FGFR1OP2: variants seen among roughly 807,000 people sequenced by gnomAD.
FGFR1OP2 encodes the protein fibroblast growth factor receptor 1 oncogene partner 2.
A neutral mutation model predicts 35.2 loss-of-function variants in FGFR1OP2; 17 were observed. That is an observed-to-expected ratio of 0.48 (90% CI 0.33 to 0.73). The LOEUF is 0.73. Ranked by LOEUF, FGFR1OP2 falls within the 30% of genes least tolerant of loss-of-function variation. The probability of loss-of-function intolerance (pLI) is 0.02; values close to 1 mark genes in which losing one functional copy is unlikely to be tolerated. For synonymous variants in FGFR1OP2, 105 were observed against 104.6 expected (o/e 1.00, Z -0.03); for missense variants, 251 against 307.3 (o/e 0.82, Z 1.37).
chr12:26,965,222 A>C lies in FGFR1OP2; in HGVS notation c.*489A>C, dbSNP rs1275372405. 6.5e-6 allele frequency: 1 copy of C among 153,552 alleles called. No homozygotes were observed. Among genetic ancestry groups the C allele is most frequent in the Non-Finnish European group, 1.5e-5 (1 of 68,620 alleles). The allele number at this position is 153,552 out of a possible 1,614,324, so 9.5% of individuals were successfully genotyped here. ...GATTGCCTACTTTCACATTTATTTAAATTTTTGTGAAAGAAAATACAGTTT... is the reference window on the plus strand; with the variant it reads ...GATTGCCTACTTTCACATTTATTTACATTTTTGTGAAAGAAAATACAGTTT... On this transcript the variant is annotated 3_prime_UTR_variant, in exon 7 of 7. Coordinates refer to ENST00000229395, the MANE Select transcript of FGFR1OP2 (RefSeq NM_015633.3).
In FGFR1OP2 at chr12:26,952,675, C is replaced by CTTTT. The variant is rs763886345; in HGVS notation, c.-14-1458_-14-1455dup. On this transcript the variant is annotated intron_variant, in intron 1 of 6. Transcript: ENST00000229395. Reference sequence around the variant, plus strand: ...TAAATTTTCTCTTTGCTACTTGTTGCTTTTTTTTTTTTTTTGTATTGGAGG... The same window carrying CTTTT: ...TAAATTTTCTCTTTGCTACTTGTTGCTTTTTTTTTTTTTTTTTTTGTATTGGAGG... Among the ~76,000 whole-genome samples, 23 of 132,532 alleles carry CTTTT rather than the reference C, an allele frequency of 1.7e-4. 1 individual carries two copies. Among genetic ancestry groups the CTTTT allele is most frequent in the African/African-American group, 5.6e-4 (20 of 35,884 alleles). 86.9% of individuals were successfully genotyped at this position (132,532 alleles called of 152,430 possible).
At chr12:26,941,498 G>A (rs1938734262) in intron 1 of FGFR1OP2, among the ~76,000 whole-genome samples, 1 of 152,234 alleles carries the variant, frequency 6.6e-6, no homozygotes, top group South Asian at 2.1e-4. Context: ...TGAGCTACCT[G>A]CTGCTTATAA....
At chr12:26,962,253 C>T (rs1939114993) in intron 5 of FGFR1OP2, 1 of 152,174 alleles carries the variant, frequency 6.6e-6, no homozygotes, top group Non-Finnish European at 1.5e-5. Flanking sequence ...ATGAAAAGGA[C>T]CTACATTTTT....
rs114028106 is a variant in FGFR1OP2 at position 26,956,670 on chromosome 12, G to A, written c.253+10G>A. The A allele has an allele frequency of 5.5e-4, 827 of 1,508,468 alleles. No homozygotes were observed. In the African/African-American group the frequency reaches 0.01, roughly 19 times the overall value. The allele number at this position is 1,508,468 out of a possible 1,614,324, so 93.4% of individuals were successfully genotyped here. ...CAACAAGAAAACAAAGGTAAGATAC[G>A]TTACTTTTTGACATTAATCCCATTT... is the stretch of plus-strand genomic sequence containing the variant. On this transcript the variant is annotated intron_variant, in intron 3 of 6. Transcript: ENST00000229395.
chr12:26,949,544 A>G (rs541901838), intron 1 of FGFR1OP2, among the ~76,000 whole-genome samples: 8 of 152,016 alleles, frequency 5.3e-5, no homozygotes, highest in Non-Finnish European at 1.2e-4. Flanking sequence ...ATTTTTTTCT[A>G]CTTAAATGAA....
Position 26,955,441 on chromosome 12 carries a change from T to A in FGFR1OP2, c.136-1102T>A, listed in dbSNP as rs867829066. 3.3e-5 allele frequency among the ~76,000 whole-genome samples: 5 copies of A among 152,328 alleles called. No homozygotes were observed. The South Asian group carries it at 1.0e-3, about 32-fold the overall frequency. The stretch of plus-strand genomic sequence containing the variant: ...AACCACTACCTGATTCCAGAACATT[T>A]TCATCACCACAAAACCTTACATCCA... On this transcript the variant is annotated intron_variant, in intron 2 of 6. Transcript: ENST00000229395.
chr12:26,958,403 A>C (rs539981994), intron 4 of FGFR1OP2, among the ~76,000 whole-genome samples: 28 of 152,344 alleles, frequency 1.8e-4, no homozygotes, highest in African/African-American at 6.3e-4. Flanking sequence ...TTTCTAATAA[A>C]TTTGTGTATT....
chr12:26,964,724 G>A lies in FGFR1OP2; in HGVS notation c.753G>A (p.Arg251=), dbSNP rs747086211. 1 of 1,610,138 alleles carries A rather than the reference G, an allele frequency of 6.2e-7. No individual in the cohort carries two copies. Among genetic ancestry groups the A allele is most frequent in the East Asian group, 2.2e-5 (1 of 44,836 alleles). ...TGACCAACAGTGATTTGAGTCTGAG[G>A]AAGAGCTGAAGAGTTTCTGAGTCTG... The part of the protein sequence containing the change: ...ALVTNSDLSL[R]KS Residue 251 remains arginine (R), a synonymous_variant, in exon 7 of 7, where the codon AGG becomes AGA. Coordinates refer to ENST00000229395, the MANE Select transcript of FGFR1OP2 (RefSeq NM_015633.3).
chr12:26,944,379 A>G (rs1468470732), intron 1 of FGFR1OP2, among the ~76,000 whole-genome samples: 1 of 152,208 alleles, frequency 6.6e-6, no homozygotes, highest in African/African-American at 2.4e-5. Context: ...ATTATGAAGT[A>G]TGACGTTTGC....
rs1274751698 is a variant in FGFR1OP2, at chr12:26,966,012, A to T, written c.*1279A>T. On this transcript the variant is annotated 3_prime_UTR_variant, in exon 7 of 7. Transcript: ENST00000229395. ...ACGTATTAAAATTAAGACAAATGGA[A>T]AATTATACTTTGAGTATATAATTTG... 1 of 152,112 alleles carries T rather than the reference A, an allele frequency of 6.6e-6. No homozygotes were observed. Among genetic ancestry groups the T allele is most frequent in the Non-Finnish European group, 1.5e-5 (1 of 67,984 alleles). The allele number at this position is 152,112 out of a possible 1,614,324, so 9.4% of individuals were successfully genotyped here.
chr12:26,952,675 CTTTT>C (rs763886345), intron 1 of FGFR1OP2, among the ~76,000 whole-genome samples: 1 of 132,534 alleles, frequency 7.5e-6, no homozygotes. Flanking sequence ...CTACTTGTTG[CTTTT>C]TTTTTTTTTT....
intron 2 of FGFR1OP2, among the ~76,000 whole-genome samples, chr12:26,954,957 G>A (rs1803365650): frequency 6.6e-6 from 1 of 152,178 alleles, no homozygotes; most frequent in Non-Finnish European, 1.5e-5. Flanking sequence ...GGGGGAAAAT[G>A]TATATTCACA....
At chr12:26,945,599 G>A (rs1024043017) in intron 1 of FGFR1OP2, among the ~76,000 whole-genome samples, 1 of 152,102 alleles carries the variant, frequency 6.6e-6, no homozygotes, top group Non-Finnish European at 1.5e-5. Flanking sequence ...GGTGGCTCAC[G>A]CCTGTAATAC....
At chr12:26,956,464 T>C in intron 2 of FGFR1OP2, 79 bp from the exon 3 acceptor site, 1 of 280,564 alleles carries the variant, frequency 3.6e-6, no homozygotes, top group Non-Finnish European at 5.7e-6. Flanking sequence ...TTCAGATATA[T>C]TTATATTTAT....
At chr12:26,956,972 T>C (rs1475528650) in intron 3 of FGFR1OP2, among the ~76,000 whole-genome samples, 4 of 152,214 alleles carry the variant, frequency 2.6e-5, no homozygotes, top group Non-Finnish European at 5.9e-5. Flanking sequence ...CAGATTGATA[T>C]TTCAAAAATC....
intron 4 of FGFR1OP2, among the ~76,000 whole-genome samples, chr12:26,959,140 A>G (rs1458307827): frequency 6.6e-6 from 1 of 152,068 alleles, no homozygotes; most frequent in Non-Finnish European, 1.5e-5. Flanking sequence ...AGAAAACCTA[A>G]TGATAGGTAC....
chr12:26,961,055 C>A (rs2136360551), intron 5 of FGFR1OP2: 1 of 157,658 alleles, frequency 6.3e-6, no homozygotes, highest in African/African-American at 2.4e-5. Flanking sequence ...ATTAAAATGC[C>A]TTTGTTTAGA....
At chr12:26,960,688 G>C (rs542264005) in intron 5 of FGFR1OP2, 60 bp downstream of exon 5, 495 of 1,543,744 alleles carry the variant, frequency 3.2e-4, no homozygotes, top group Non-Finnish European at 4.2e-4. Context: ...CATTTTAAAA[G>C]TGCTTTTACA....
At chr12:26,957,422 T>A (rs918874898) in intron 3 of FGFR1OP2, among the ~76,000 whole-genome samples, 179 bp from the exon 4 acceptor site, 1 of 152,252 alleles carries the variant, frequency 6.6e-6, no homozygotes, top group Non-Finnish European at 1.5e-5. Flanking sequence ...GAAACAAGCT[T>A]AAAATATTCA....
Sources: gnomAD v4.1 joint callset for allele counts (sites outside exome capture counted in the v4.1 genomes callset) on GRCh38, gnomAD v4.1.1 for gene constraint, MANE v1.5 for transcripts, NCBI Gene and HGNC (gene_info 2026-07-23, HGNC 2026-07-21) for gene names.